The following CNTNAP5 variants were observed in gnomAD, a reference collection of about 807,000 sequenced individuals.
The protein encoded by CNTNAP5 is contactin-associated protein-like 5.
Under a neutral mutation model 150.2 loss-of-function variants are expected in CNTNAP5, and 72 were observed. That is an observed-to-expected ratio of 0.48 (90% CI 0.40 to 0.58). The LOEUF (loss-of-function observed/expected upper bound fraction) is 0.58, where lower values mean the gene tolerates loss of function less well. Among genes scored for constraint, CNTNAP5 ranks in the 20% least tolerant of loss-of-function variants. The pLI is 0.00. For synonymous variants in CNTNAP5, 672 were observed against 619.8 expected (o/e 1.08, Z -1.25); for missense variants, 1,636 against 1,626.2 (o/e 1.01, Z -0.10).
chr2:124,082,500 C>G (rs1044788597), intron 1 of CNTNAP5, among the ~76,000 whole-genome samples: 3 of 151,596 alleles, frequency 2.0e-5, no homozygotes, highest in African/African-American at 7.3e-5. Context: ...ATTTCTTTTC[C>G]TTGCTGAGTA....
intron 7 of CNTNAP5, among the ~76,000 whole-genome samples, chr2:124,476,005 A>G (rs1693631179): frequency 6.6e-6 from 1 of 151,790 alleles, no homozygotes; most frequent in Non-Finnish European, 1.5e-5. Flanking sequence ...TATTTTTCTT[A>G]TCTAGTGTTA....
intron 3 of CNTNAP5, among the ~76,000 whole-genome samples, chr2:124,335,622 A>G (rs542147067): frequency 6.6e-6 from 1 of 150,746 alleles, no homozygotes; most frequent in East Asian, 2.0e-4. Flanking sequence ...ACCAGTCCAT[A>G]CAAATGTTTT....
intron 7 of CNTNAP5, among the ~76,000 whole-genome samples, chr2:124,476,472 A>C (rs1693643361): frequency 6.6e-6 from 1 of 152,118 alleles, no homozygotes; most frequent in South Asian, 2.1e-4. Context: ...GATGCCCTTC[A>C]TATCACTGGA....
intron 3 of CNTNAP5, among the ~76,000 whole-genome samples, chr2:124,312,602 G>T (rs1052331793): frequency 1.3e-5 from 2 of 151,680 alleles, no homozygotes; most frequent in African/African-American, 4.8e-5. Context: ...ACGGAGTCTC[G>T]CTCTTTCGCC....
At position 124,247,803 on chromosome 2, in the gene CNTNAP5, A is replaced by G. The variant is rs151138753; in HGVS notation, c.381+5410A>G. On this transcript the variant is annotated intron_variant, in intron 3 of 23. Coordinates refer to ENST00000682447, the MANE Select transcript of CNTNAP5 (RefSeq NM_001367498.1). ...CACACTCGTATCTTTTTAAGCTAAT[A>G]CATTATTATTTATTAGCCATTGTAA... Among the ~76,000 whole-genome samples the G allele has an allele frequency of 4.2e-3, 639 of 152,306 alleles. 4 individuals carry two copies. The highest frequency in any genetic ancestry group is 0.011 in the Admixed American group (163 of 15,284).
intron 3 of CNTNAP5, among the ~76,000 whole-genome samples, chr2:124,325,052 T>C (rs1689183659): frequency 6.6e-6 from 1 of 152,216 alleles, no homozygotes. Context: ...TACCACAACA[T>C]TCATATGTTG....
At chr2:124,225,195 T>C (rs1463028063) in intron 2 of CNTNAP5, among the ~76,000 whole-genome samples, 1 of 152,196 alleles carries the variant, frequency 6.6e-6, no homozygotes, top group Non-Finnish European at 1.5e-5. Context: ...ACCACTATAT[T>C]GAGAACTTCC....
intron 20 of CNTNAP5, among the ~76,000 whole-genome samples, chr2:124,868,614 C>G (rs1677680011): frequency 6.6e-6 from 1 of 152,242 alleles, no homozygotes; most frequent in South Asian, 2.1e-4. Context: ...CAGCACTTAA[C>G]TTCCAATACA....
At chr2:124,329,960 C>CA (rs1432925138) in intron 3 of CNTNAP5, among the ~76,000 whole-genome samples, 1 of 152,152 alleles carries the variant, frequency 6.6e-6, no homozygotes, top group East Asian at 1.9e-4. Context: ...ATGAACCAGG[C>CA]AGTGGCAATC....
At chr2:124,304,458 G>A (rs1368559929) in intron 3 of CNTNAP5, among the ~76,000 whole-genome samples, 2 of 146,232 alleles carry the variant, frequency 1.4e-5, no homozygotes, top group Admixed American at 6.7e-5. Context: ...ATTGCAGAAG[G>A]TTATAGGAGC....
intron 19 of CNTNAP5, among the ~76,000 whole-genome samples, chr2:124,811,710 G>GGGGT (rs1553445048): frequency 6.7e-6 from 1 of 150,332 alleles, no homozygotes; most frequent in Non-Finnish European, 1.5e-5. Flanking sequence ...AGGAGGCGGG[G>GGGGT]GGGGTGGATC....
At chr2:124,683,832 G>A (rs747801465) in intron 13 of CNTNAP5, among the ~76,000 whole-genome samples, 1 of 152,140 alleles carries the variant, frequency 6.6e-6, no homozygotes, top group African/African-American at 2.4e-5. Flanking sequence ...GTCACAAAAT[G>A]TTAGGCAACT....
intron 2 of CNTNAP5, among the ~76,000 whole-genome samples, chr2:124,231,632 T>C (rs1176661039): frequency 1.3e-5 from 2 of 152,156 alleles, no homozygotes; most frequent in Non-Finnish European, 2.9e-5. Flanking sequence ...ATCTTGCCTT[T>C]TGAATGCCCC....
At chr2:124,173,679 C>A (rs1684989189) in intron 1 of CNTNAP5, among the ~76,000 whole-genome samples, 1 of 152,216 alleles carries the variant, frequency 6.6e-6, no homozygotes, top group Admixed American at 6.5e-5. Flanking sequence ...AGGAAAGAAA[C>A]TGTCTCCATA....
Position 124,330,933 on chromosome 2 carries a change from T to G in CNTNAP5, c.382-86510T>G, listed in dbSNP as rs532767612. 9.2e-5 allele frequency among the ~76,000 whole-genome samples: 14 copies of G among 152,284 alleles called. No individual in the cohort carries two copies. The East Asian group carries it at 2.3e-3, about 25-fold the overall frequency. On this transcript the variant is annotated intron_variant, in intron 3 of 23. Transcript: ENST00000682447. ...CATAAAAATTATAACCTCTCATTAG[T>G]TTAGTTCCTTATAATTAATTTTGTT... is the stretch of plus-strand genomic sequence containing the variant.
chr2:124,658,054 T>G (rs181405079), intron 13 of CNTNAP5, among the ~76,000 whole-genome samples: 49 of 152,318 alleles, frequency 3.2e-4, no homozygotes, highest in Middle Eastern at 6.8e-3. Flanking sequence ...CTTAGAATAG[T>G]ACCTGGCACC....
chr2:124,562,823 G>A (rs1216671827), intron 10 of CNTNAP5, among the ~76,000 whole-genome samples: 2 of 152,088 alleles, frequency 1.3e-5, no homozygotes. Flanking sequence ...TCAATTATCT[G>A]CCTCTCCTTT....
At chr2:124,581,893 T>C (rs1441163219) in intron 11 of CNTNAP5, among the ~76,000 whole-genome samples, 1 of 152,234 alleles carries the variant, frequency 6.6e-6, no homozygotes, top group Admixed American at 6.5e-5. Context: ...GCAGTGTCGA[T>C]GGTACCTCAG....
intron 7 of CNTNAP5, among the ~76,000 whole-genome samples, chr2:124,486,886 G>A (rs1255236279): frequency 6.6e-6 from 1 of 152,074 alleles, no homozygotes; most frequent in Non-Finnish European, 1.5e-5. Context: ...CACTGTATAG[G>A]TGGACATGAA....
Sources: allele counts gnomAD v4.1 joint callset (sites outside exome capture counted in the v4.1 genomes callset), GRCh38; gene constraint gnomAD v4.1.1; transcripts MANE v1.5; gene names NCBI Gene and HGNC (gene_info 2026-07-23, HGNC 2026-07-21).